The following RPTOR variants were observed in gnomAD, a reference collection of about 807,000 sequenced individuals.
RPTOR encodes regulatory-associated protein of mTOR.
RPTOR carries 21 observed loss-of-function variants against 169.9 expected under a neutral mutation model. That is an observed-to-expected ratio of 0.12 (90% CI 0.09 to 0.18). The LOEUF (loss-of-function observed/expected upper bound fraction) is 0.18, where lower values mean the gene tolerates loss of function less well. RPTOR is among the 10% of genes least tolerant of loss of function. The probability of loss-of-function intolerance (pLI) is 1.00; values close to 1 mark genes in which losing one functional copy is unlikely to be tolerated. For missense variants in RPTOR, 1,133 were observed against 1,855.9 expected (o/e 0.61, Z 7.16); for synonymous variants, 732 against 753.2 (o/e 0.97, Z 0.46).
rs185028991 is a variant in RPTOR at position 80,561,379 on chromosome 17, G to A, written c.162+15588G>A. Among the ~76,000 whole-genome samples the A allele has an allele frequency of 2.3e-3, 347 of 151,580 alleles. 4 individuals carry two copies. The highest frequency in any genetic ancestry group is 2.3e-3 in the South Asian group (11 of 4,808). ...CAGCCTCGGCCTCCCAAAGTGCTGG[G>A]ATTATAGGCATGAGCCACGCACCCA... is the stretch of plus-strand genomic sequence containing the variant. On this transcript the variant is annotated intron_variant, in intron 1 of 33. Transcript: ENST00000306801.
In RPTOR at chr17:80,707,129, A is replaced by T; in HGVS notation, c.349-712A>T. Among the ~76,000 whole-genome samples, 1 of 152,174 alleles carries T rather than the reference A, an allele frequency of 6.6e-6. No individual in the cohort carries two copies. Among genetic ancestry groups the T allele is most frequent in the East Asian group, 1.9e-4 (1 of 5,184 alleles). ...GGAGGGAGGAGCTTTCAGCAGGGCG[A>T]TTCCTTACTCGGTCTCTTCACTCTT... On this transcript the variant is annotated intron_variant, in intron 3 of 33. Coordinates refer to ENST00000306801, the MANE Select transcript of RPTOR (RefSeq NM_020761.3). This position sits in a 1 kb window ranked among gnomAD's most constrained non-coding sequence, Gnocchi z 5.0.
At chr17:80,664,406 G>A (rs2065747827) in intron 3 of RPTOR, among the ~76,000 whole-genome samples, 1 of 152,088 alleles carries the variant, frequency 6.6e-6, no homozygotes, top group Non-Finnish European at 1.5e-5. Flanking sequence ...CCCTCCCACT[G>A]AAGTTGCTGC....
In RPTOR at chr17:80,754,150, C is replaced by G. The variant is rs1460144119; in HGVS notation, c.795C>G (p.Ser265=). The stretch of plus-strand genomic sequence containing the variant: ...ACCTCCCGGCTGACCTATTCACCTC[C>G]TGCCTCACCACCCCCATCAAGATCG... ...IPDLPADLFT[S]CLTTPIKIAL... The change falls in exon 6 of 34, where the codon TCC becomes TCG. Residue 265 remains serine (S), a synonymous_variant. Transcript: ENST00000306801. This position sits in a 1 kb window ranked among gnomAD's most constrained non-coding sequence, Gnocchi z 4.2. 6.2e-7 allele frequency: 1 copy of G among 1,612,126 alleles called. No homozygotes were observed. Among genetic ancestry groups the G allele is most frequent in the Middle Eastern group, 1.7e-4 (1 of 6,060 alleles).
chr17:80,561,326 G>T (rs1000143165), intron 1 of RPTOR, among the ~76,000 whole-genome samples: 4 of 150,430 alleles, frequency 2.7e-5, no homozygotes, highest in Non-Finnish European at 5.9e-5. Flanking sequence ...GGCCAGGCTG[G>T]TCTCAAACTC....
chr17:80,691,573 G>T (rs2065992276), intron 3 of RPTOR, among the ~76,000 whole-genome samples: 1 of 152,216 alleles, frequency 6.6e-6, no homozygotes, highest in Non-Finnish European at 1.5e-5. Flanking sequence ...CCATCTTTGT[G>T]TTGGCCCCTG....
chr17:80,866,356 G>C (rs900943355), intron 13 of RPTOR, among the ~76,000 whole-genome samples: 7 of 152,148 alleles, frequency 4.6e-5, no homozygotes, highest in Non-Finnish European at 2.9e-5. Flanking sequence ...AAAGAGGGAC[G>C]GTCTCCAACC....
intron 1 of RPTOR, among the ~76,000 whole-genome samples, chr17:80,621,874 C>T (rs901062): frequency 0.34 from 52,416 of 152,118 alleles, 9,194 homozygotes; most frequent in African/African-American, 0.39. Context: ...CTGGGGCGCA[C>T]GGAGCATGTG....
intron 3 of RPTOR, among the ~76,000 whole-genome samples, chr17:80,706,285 C>T (rs1383011241): frequency 1.3e-5 from 2 of 152,078 alleles, no homozygotes; most frequent in Admixed American, 6.5e-5. Flanking sequence ...CCCAGAAGGT[C>T]GTAGATTTAC....
chr17:80,819,013 C>T (rs774518246), intron 7 of RPTOR, among the ~76,000 whole-genome samples: 6 of 152,194 alleles, frequency 3.9e-5, no homozygotes, highest in South Asian at 2.1e-4. Flanking sequence ...ATTCAGGATA[C>T]GTGGGCTCAC....
intron 3 of RPTOR, among the ~76,000 whole-genome samples, chr17:80,703,077 A>C (rs2066114707): frequency 6.6e-6 from 1 of 152,194 alleles, no homozygotes; most frequent in Non-Finnish European, 1.5e-5. Flanking sequence ...TGTGGAGATC[A>C]GCACCGTGGC....
chr17:80,882,379 C>G (rs927444154), intron 14 of RPTOR, among the ~76,000 whole-genome samples: 1 of 152,202 alleles, frequency 6.6e-6, no homozygotes, highest in African/African-American at 2.4e-5. Context: ...CAGCAAATAT[C>G]GAAGGCATAA....
At chr17:80,772,530 C>G (rs1307410264) in intron 6 of RPTOR, among the ~76,000 whole-genome samples, 3 of 142,888 alleles carry the variant, frequency 2.1e-5, no homozygotes, top group Non-Finnish European at 3.1e-5. Flanking sequence ...CCCTCCCCCC[C>G]ACATGCCTGG....
chr17:80,859,846 C>T (rs2067897570), intron 13 of RPTOR, among the ~76,000 whole-genome samples: 1 of 152,216 alleles, frequency 6.6e-6, no homozygotes, highest in Non-Finnish European at 1.5e-5. Flanking sequence ...CTTGAATTTG[C>T]AGCCTATTTA....
chr17:80,547,088 A>C (rs1247920091), intron 1 of RPTOR, among the ~76,000 whole-genome samples: 1 of 152,096 alleles, frequency 6.6e-6, no homozygotes, highest in Non-Finnish European at 1.5e-5. Flanking sequence ...TAAATAAATA[A>C]AACTTCTGGT....
intron 5 of RPTOR, among the ~76,000 whole-genome samples, chr17:80,738,135 G>A (rs12951431): frequency 0.18 from 26,770 of 152,184 alleles, 2,800 homozygotes; most frequent in East Asian, 0.24. Flanking sequence ...TGAGGTCCAC[G>A]CCTGCCAGTG....
intron 21 of RPTOR, among the ~76,000 whole-genome samples, chr17:80,922,495 G>T (rs1053342786): frequency 6.6e-6 from 1 of 152,178 alleles, no homozygotes; most frequent in South Asian, 2.1e-4. Context: ...ACACGGCCAC[G>T]CCAGGGCTAG....
intron 20 of RPTOR, among the ~76,000 whole-genome samples, chr17:80,904,423 A>G (rs4497758): frequency 3.3e-5 from 5 of 152,300 alleles, no homozygotes; most frequent in African/African-American, 1.2e-4. Flanking sequence ...AACTGCTCCG[A>G]CAGCCGGGGA....
At chr17:80,656,641 T>G (rs926530948) in intron 3 of RPTOR, among the ~76,000 whole-genome samples, 2 of 152,224 alleles carry the variant, frequency 1.3e-5, no homozygotes, top group Admixed American at 6.5e-5. Context: ...GGAAGGGGAC[T>G]GTGAGGCAGA....
chr17:80,623,998 T>A (rs2065374992), intron 1 of RPTOR, among the ~76,000 whole-genome samples: 2 of 152,164 alleles, frequency 1.3e-5, no homozygotes, highest in South Asian at 4.2e-4. Context: ...ACCCTCAAAC[T>A]CCTGGGCTCA....
Sources: gnomAD v4.1 joint callset for allele counts (sites outside exome capture counted in the v4.1 genomes callset) on GRCh38, gnomAD v4.1.1 for gene constraint, Gnocchi (gnomAD v3.1) non-coding constraint, MANE v1.5 for transcripts, NCBI Gene and HGNC (gene_info 2026-07-23, HGNC 2026-07-21) for gene names.